The following PPM1G variants were observed in gnomAD, a reference collection of about 807,000 sequenced individuals.
PPM1G encodes the protein protein phosphatase, Mg2+/Mn2+ dependent 1G, also known as protein phosphatase 1G.
PPM1G carries 12 observed loss-of-function variants against 59.4 expected under a neutral mutation model. That is an observed-to-expected ratio of 0.20 (90% CI 0.13 to 0.33). The LOEUF (loss-of-function observed/expected upper bound fraction) is 0.33, where lower values mean the gene tolerates loss of function less well. PPM1G is among the 10% of genes least tolerant of loss of function. The probability of loss-of-function intolerance (pLI) is 1.00; values close to 1 mark genes in which losing one functional copy is unlikely to be tolerated. For missense variants in PPM1G, 392 were observed against 681.3 expected, an observed-to-expected ratio of 0.58 and a Z score of 4.73; for synonymous variants, 245 against 251.9, an observed-to-expected ratio of 0.97 and a Z score of 0.26.
chr2:27,404,392 C>CA (rs1372891624), intron 1 of PPM1G, among the ~76,000 whole-genome samples: 6 of 150,030 alleles, frequency 4.0e-5, no homozygotes, highest in East Asian at 2.0e-4. Flanking sequence ...ACTAAAAATA[C>CA]AAAAAAAAAT....
At chr2:27,393,386 G>T in intron 1 of PPM1G, 1 of 1,454,784 alleles carries the variant, frequency 6.9e-7, no homozygotes, top group East Asian at 2.3e-5. Context: ...CTAAGGAGAG[G>T]CGGCGGCAGC....
In PPM1G at chr2:27,382,316, T is replaced by C. The variant is rs1381366437; in HGVS notation, c.1332-88A>G. 2 of 1,555,112 alleles carry C rather than the reference T, an allele frequency of 1.3e-6. No individual in the cohort carries two copies. The highest frequency in any genetic ancestry group is 2.7e-5 in the African/African-American group (2 of 73,518). The stretch of plus-strand genomic sequence containing the variant: ...ACAGAGGTGGTGGCCCAGGCCAGTG[T>C]AAATAACTACAGAAATTCTCAGCTC... On this transcript the variant is annotated intron_variant, in intron 8 of 9. Transcript: ENST00000344034. This position sits in a 1 kb window ranked among gnomAD's most constrained non-coding sequence, Gnocchi z 4.2.
At chr2:27,393,509 C>T (rs1683970678) in intron 1 of PPM1G, 5 of 706,762 alleles carry the variant, frequency 7.1e-6, no homozygotes, top group Admixed American at 4.0e-5. Flanking sequence ...GGGTGCAGGA[C>T]GAGCGCCGGG....
At chr2:27,392,745 G>A (rs1572664420) in intron 1 of PPM1G, 1 of 1,198,788 alleles carries the variant, frequency 8.3e-7, no homozygotes, top group Non-Finnish European at 1.2e-6. Context: ...TGGTGACAAG[G>A]TAAGTCACCC....
At chr2:27,396,819 C>CAAAAAAAAAAAAA (rs771980529) in intron 1 of PPM1G, among the ~76,000 whole-genome samples, 15 of 125,202 alleles carry the variant, frequency 1.2e-4, no homozygotes, top group African/African-American at 3.8e-4. Context: ...CCGTCTCCAA[C>CAAAAAAAAAAAAA]AAAAAAAAAA....
At chr2:27,400,316 C>T (rs780098) in intron 1 of PPM1G, among the ~76,000 whole-genome samples, 7,113 of 152,156 alleles carry the variant, frequency 0.047, 564 homozygotes, top group African/African-American at 0.16. Flanking sequence ...GCAGGAGAAT[C>T]GCTTTAACCC....
At chr2:27,395,115 C>T (rs904983501) in intron 1 of PPM1G, among the ~76,000 whole-genome samples, 2 of 137,188 alleles carry the variant, frequency 1.5e-5, no homozygotes, top group Admixed American at 1.5e-4. Flanking sequence ...CCTGTAATCC[C>T]AGCTACTTGG....
At position 27,385,214 on chromosome 2, in the gene PPM1G, C is replaced by T. The variant is rs1572660515; in HGVS notation, c.410-126G>A. On this transcript the variant is annotated intron_variant, in intron 4 of 9. Coordinates refer to ENST00000344034, the MANE Select transcript of PPM1G (RefSeq NM_177983.3). This position sits in a 1 kb window ranked among gnomAD's most constrained non-coding sequence, Gnocchi z 4.1. ...AACCTCCCACTCCCAAGGTTCCTCT[C>T]GCTCAAGTCTCAGAAGAACATGCCC... 7.3e-6 allele frequency: 8 copies of T among 1,102,544 alleles called. No individual in the cohort carries two copies. The East Asian group carries it at 7.7e-5, about 11-fold the overall frequency. The allele number at this position is 1,102,544 out of a possible 1,614,324, so 68.3% of individuals were successfully genotyped here.
At chr2:27,403,891 A>G (rs964095958) in intron 1 of PPM1G, among the ~76,000 whole-genome samples, 3 of 151,954 alleles carry the variant, frequency 2.0e-5, no homozygotes, top group African/African-American at 7.3e-5. Flanking sequence ...AAAAAGAGAG[A>G]GAGAGAGAAA....
intron 1 of PPM1G, among the ~76,000 whole-genome samples, chr2:27,396,935 T>C (rs1684066710): frequency 6.6e-6 from 1 of 151,984 alleles, no homozygotes; most frequent in African/African-American, 2.4e-5. Flanking sequence ...AATGGCACGA[T>C]CTAGGCTCAC....
In PPM1G at chr2:27,381,294, A is replaced by T. The variant is rs1489351950; in HGVS notation, c.*305T>A. ...GAGGGCCATGGAGCCGCCAATAAAA[A>T]AGAATGTCCTTAAATAAAGTTCACA... On this transcript the variant is annotated 3_prime_UTR_variant, in exon 10 of 10. Coordinates refer to ENST00000344034, the MANE Select transcript of PPM1G (RefSeq NM_177983.3). The T allele has an allele frequency of 6.6e-6, 3 of 454,328 alleles. No individual in the cohort carries two copies. The highest frequency in any genetic ancestry group is 1.2e-5 in the Non-Finnish European group (3 of 248,744). 28.1% of individuals were successfully genotyped at this position (454,328 alleles called of 1,614,324 possible). A position where few individuals can be genotyped will look rare whatever the true frequency, so the allele number is the denominator to read the frequency against.
chr2:27,405,948 A>G (rs1427716500), intron 1 of PPM1G, among the ~76,000 whole-genome samples: 2 of 152,106 alleles, frequency 1.3e-5, no homozygotes, highest in Non-Finnish European at 2.9e-5. Flanking sequence ...GGTTGCAGTG[A>G]GCCGAGATCA....
intron 1 of PPM1G, among the ~76,000 whole-genome samples, chr2:27,396,676 A>G (rs1330343751): frequency 3.3e-5 from 5 of 151,372 alleles, no homozygotes; most frequent in Non-Finnish European, 5.9e-5. Context: ...TTAACTGGGC[A>G]TGGTGGCGCA....
intron 1 of PPM1G, among the ~76,000 whole-genome samples, chr2:27,405,805 C>A (rs1663344407): frequency 6.6e-6 from 1 of 151,846 alleles, no homozygotes; most frequent in Non-Finnish European, 1.5e-5. Flanking sequence ...AAGTTCGAGA[C>A]CAGCCTGACC....
At chr2:27,393,690 T>C (rs1343875860) in intron 1 of PPM1G, among the ~76,000 whole-genome samples, 1 of 152,162 alleles carries the variant, frequency 6.6e-6, no homozygotes, top group Admixed American at 6.5e-5. Context: ...GTTCAAGCAA[T>C]TCTCCTGCCT....
chr2:27,391,568 G>T (rs1373231791), intron 1 of PPM1G, among the ~76,000 whole-genome samples: 1 of 152,062 alleles, frequency 6.6e-6, no homozygotes. Flanking sequence ...TTGGATATTA[G>T]ACTTTTGTTG....
rs765285925 is a variant in PPM1G, at chr2:27,384,819, C to G, written c.679G>C (p.Val227Leu). ...CCAGTGGGAATGCCAGGCTCACCAA[C>G]TTGGCCTGCCTCAGTCCCACGTTCC... The part of the protein sequence containing the change: ...NSERGTEAGQ[V>L]GEPGIPTGEA... The change falls in exon 5 of 10, where the codon GTT becomes CTT. Residue 227 changes from valine (V) to leucine (L), a missense_variant. This residue lies in a region of PPM1G where 188 missense variants were observed against 248.8 expected (regional missense o/e 0.76). Transcript: ENST00000344034. The surrounding 1 kb of genome is among the most constrained non-coding windows in gnomAD (Gnocchi z 4.8). 11 of 1,614,248 alleles carry G rather than the reference C, an allele frequency of 6.8e-6. No individual in the cohort carries two copies. Among genetic ancestry groups the G allele is most frequent in the Non-Finnish European group, 9.3e-6 (11 of 1,180,048 alleles).
Position 27,384,168 on chromosome 2 carries a change from G to A in PPM1G, c.826-76C>T, listed in dbSNP as rs1683707655. 1.2e-6 allele frequency: 2 copies of A among 1,602,526 alleles called. No individual in the cohort carries two copies. Among genetic ancestry groups the A allele is most frequent in the Non-Finnish European group, 1.7e-6 (2 of 1,174,900 alleles). On this transcript the variant is annotated intron_variant, in intron 5 of 9. Coordinates refer to ENST00000344034, the MANE Select transcript of PPM1G (RefSeq NM_177983.3). This position sits in a 1 kb window ranked among gnomAD's most constrained non-coding sequence, Gnocchi z 4.8. ...CCCCACAGCTCATACTCAGAATCAA[G>A]AGGTCCTGACTGAACACAGGTCCTC...
rs1187561481 is a variant in PPM1G at position 27,384,204 on chromosome 2, A to G, written c.826-112T>C. 6.6e-7 allele frequency: 1 copy of G among 1,521,346 alleles called. No homozygotes were observed. Among genetic ancestry groups the G allele is most frequent in the Admixed American group, 1.9e-5 (1 of 52,174 alleles). The allele number at this position is 1,521,346 out of a possible 1,614,324, so 94.2% of individuals were successfully genotyped here. On this transcript the variant is annotated intron_variant, in intron 5 of 9. Transcript: ENST00000344034. This position sits in a 1 kb window ranked among gnomAD's most constrained non-coding sequence, Gnocchi z 4.8. Reference sequence around the variant, plus strand: ...TGAACACAGGTCCTCAAAACACTGAAAGATACAAGTATATGGTCATGAAAA... The same window carrying G: ...TGAACACAGGTCCTCAAAACACTGAGAGATACAAGTATATGGTCATGAAAA...
Sources: gnomAD v4.1 joint callset for allele counts (sites outside exome capture counted in the v4.1 genomes callset) on GRCh38, gnomAD v4.1.1 for gene constraint, gnomAD v4.1.1 regional missense constraint, Gnocchi (gnomAD v3.1) non-coding constraint, MANE v1.5 for transcripts, NCBI Gene and HGNC (gene_info 2026-07-23, HGNC 2026-07-21) for gene names.